The following KAT7 variants were observed in gnomAD, a reference collection of about 807,000 sequenced individuals.
KAT7 encodes histone acetyltransferase KAT7.
Under a neutral mutation model 82.1 loss-of-function variants are expected in KAT7, and 10 were observed. The ratio of observed to expected loss-of-function variants is 0.12; its 90% CI spans 0.08 to 0.21. KAT7 has a LOEUF of 0.21. KAT7 is among the 10% of genes least tolerant of loss of function. KAT7 has a pLI of 1.00. For synonymous variants in KAT7, 250 were observed against 262.5 expected (o/e 0.95, Z 0.46); for missense variants, 378 against 760.9 (o/e 0.50, Z 5.92).
chr17:49,820,760 T>TC (rs1567863259), intron 9 of KAT7, among the ~76,000 whole-genome samples: 1 of 150,732 alleles, frequency 6.6e-6, no homozygotes, highest in Admixed American at 6.6e-5. Flanking sequence ...TTTTTTTTTT[T>TC]TTTTTTTTTC....
intron 6 of KAT7, among the ~76,000 whole-genome samples, chr17:49,810,066 G>T (rs906033127): frequency 1.3e-5 from 2 of 152,148 alleles, no homozygotes; most frequent in Non-Finnish European, 2.9e-5. Context: ...TTTAACTCTA[G>T]CTATGTTGTC....
chr17:49,812,682 C>T (rs1338864954), intron 7 of KAT7, among the ~76,000 whole-genome samples: 1 of 152,002 alleles, frequency 6.6e-6, no homozygotes, highest in African/African-American at 2.4e-5. Context: ...TGTTCTTTCA[C>T]AGTCTTTTTC....
intron 13 of KAT7, 137 bp downstream of exon 13, chr17:49,826,283 A>G (rs2074368082): frequency 1.3e-6 from 1 of 794,334 alleles, no homozygotes; most frequent in Non-Finnish European, 2.0e-6. Context: ...AAAGCTGCCT[A>G]GGAATCCAAA....
intron 4 of KAT7, among the ~76,000 whole-genome samples, chr17:49,804,610 A>G (rs2074068602): frequency 2.0e-5 from 3 of 151,976 alleles, no homozygotes; most frequent in Admixed American, 2.0e-4. Flanking sequence ...CCGTTTCTAC[A>G]AAAAATTTTA....
rs1162790119 is a variant in KAT7 at position 49,796,778 on chromosome 17, T to A, written c.192T>A (p.Ser64=). 1.2e-6 allele frequency: 2 copies of A among 1,612,516 alleles called. No homozygotes were observed. The highest frequency in any genetic ancestry group is 1.7e-6 in the Non-Finnish European group (2 of 1,179,030). ...QDSSPVRNLQ[S]FGTEEPAYST... is the part of the protein sequence containing the mutation. ...CCAGTCCTGTTCGAAATCTGCAGTC[T>A]TTTGGCACTGAGGAGCCTGCTTACT... is the stretch of plus-strand genomic sequence containing the variant. The change falls in exon 3 of 15, where the codon TCT becomes TCA. Residue 64 remains serine (S), a synonymous_variant. Coordinates refer to ENST00000259021, the MANE Select transcript of KAT7 (RefSeq NM_007067.5).
intron 12 of KAT7, 59 bp from the exon 13 acceptor site, chr17:49,825,941 T>A: frequency 6.5e-7 from 1 of 1,538,558 alleles, no homozygotes; most frequent in Non-Finnish European, 8.8e-7. Context: ...CACACAGTTT[T>A]TTGCTATTAG....
intron 6 of KAT7, among the ~76,000 whole-genome samples, chr17:49,809,593 T>TG (rs2074136311): frequency 6.6e-6 from 1 of 152,210 alleles, no homozygotes; most frequent in South Asian, 2.1e-4. Flanking sequence ...ATTTGACACT[T>TG]GCTGACTGTG....
Position 49,827,484 on chromosome 17 carries a change from C to T in KAT7, c.1818C>T (p.Thr606=), listed in dbSNP as rs539374614. Reference sequence around the variant, plus strand: ...TGGATCCCAGCTGCTTAAAATGGACCCCTCCCAAGGGCACTTAAAGTGACC... The same window carrying T: ...TGGATCCCAGCTGCTTAAAATGGACTCCTCCCAAGGGCACTTAAAGTGACC... ...KTMDPSCLKW[T]PPKGT is the part of the protein sequence containing the mutation. The change falls in exon 15 of 15, where the codon ACC becomes ACT. Residue 606 remains threonine (T), a synonymous_variant. Transcript: ENST00000259021. 6.2e-7 allele frequency: 1 copy of T among 1,611,374 alleles called. No homozygotes were observed. Among genetic ancestry groups the T allele is most frequent in the Admixed American group, 1.7e-5 (1 of 60,002 alleles).
chr17:49,819,847 A>G (rs1249956474), intron 9 of KAT7, among the ~76,000 whole-genome samples: 1 of 152,254 alleles, frequency 6.6e-6, no homozygotes, highest in Non-Finnish European at 1.5e-5. Flanking sequence ...AACAAACTAC[A>G]GATGGAATTT....
chr17:49,793,488 A>G (rs1207198371), intron 2 of KAT7, among the ~76,000 whole-genome samples: 2 of 152,144 alleles, frequency 1.3e-5, no homozygotes, highest in Admixed American at 6.5e-5. Context: ...GCTAATACAG[A>G]AAGCCGATGA....
chr17:49,808,453 CT>C (rs528916586), intron 5 of KAT7, among the ~76,000 whole-genome samples: 1,770 of 130,432 alleles, frequency 0.014, 14 homozygotes, highest in African/African-American at 0.029. Flanking sequence ...TTCTTTCTTT[CT>C]TTTTTTTTTT....
intron 14 of KAT7, 117 bp downstream of exon 14, chr17:49,826,916 T>C: frequency 1.6e-6 from 1 of 617,064 alleles, no homozygotes; most frequent in Non-Finnish European, 2.9e-6. Flanking sequence ...TACACGCCCC[T>C]TTTACTGGGT....
chr17:49,817,756 C>T (rs916894666), intron 8 of KAT7, 64 bp from the exon 9 acceptor site: 3 of 1,350,856 alleles, frequency 2.2e-6, no homozygotes, highest in South Asian at 1.3e-5. Context: ...AGCCACTGTG[C>T]CCTGTCTAAA....
rs1003782161 is a variant in KAT7 at position 49,833,483 on chromosome 17, T to C, written c.*5981T>C. 3.3e-5 allele frequency: 5 copies of C among 152,250 alleles called. No individual in the cohort carries two copies. The highest frequency in any genetic ancestry group is 5.9e-5 in the Non-Finnish European group (4 of 68,042). 9.4% of individuals were successfully genotyped at this position (152,250 alleles called of 1,614,324 possible). On this transcript the variant is annotated 3_prime_UTR_variant, in exon 15 of 15. Coordinates refer to ENST00000259021, the MANE Select transcript of KAT7 (RefSeq NM_007067.5). The stretch of plus-strand genomic sequence containing the variant: ...CTATTTCCAATAAGGTCTATTTTTT[T>C]CTACAGTGAGGGCTGAACTTGTGAC...
chr17:49,833,851 T>C lies in KAT7; in HGVS notation c.*6349T>C, dbSNP rs1231682479. The C allele has an allele frequency of 6.6e-6, 1 of 152,152 alleles. No individual in the cohort carries two copies. The highest frequency in any genetic ancestry group is 1.5e-5 in the Non-Finnish European group (1 of 68,024). 9.4% of individuals were successfully genotyped at this position (152,152 alleles called of 1,614,324 possible). The stretch of plus-strand genomic sequence containing the variant: ...TTTGGAATGGTTTGATACATGGCAA[T>C]GGAGAAGTGAAACAAGGGGACTTCG... On this transcript the variant is annotated 3_prime_UTR_variant, in exon 15 of 15. Transcript: ENST00000259021.
At chr17:49,794,546 A>T (rs1478116551) in intron 2 of KAT7, among the ~76,000 whole-genome samples, 1 of 152,254 alleles carries the variant, frequency 6.6e-6, no homozygotes, top group East Asian at 1.9e-4. Context: ...TCGGCCTCCC[A>T]AAGTGCTGGG....
At position 49,821,488 on chromosome 17, in the gene KAT7, A is replaced by G. The variant is rs946935036; in HGVS notation, c.1245+62A>G. On this transcript the variant is annotated intron_variant, in intron 10 of 14. Coordinates refer to ENST00000259021, the MANE Select transcript of KAT7 (RefSeq NM_007067.5). ...TGTATATTCACAGGTTTCAGAAGGC[A>G]TATGTTTTTTCTCCATCACACCTTG... The G allele has an allele frequency of 4.6e-6, 7 of 1,529,812 alleles. No individual in the cohort carries two copies. In the Admixed American group the frequency reaches 5.1e-5, roughly 11 times the overall value. The allele number at this position is 1,529,812 out of a possible 1,614,324, so 94.8% of individuals were successfully genotyped here. A position where few individuals can be genotyped will look rare whatever the true frequency, so the allele number is the denominator to read the frequency against.
At chr17:49,796,644 G>T in intron 2 of KAT7, 106 bp from the exon 3 acceptor site, 1 of 811,994 alleles carries the variant, frequency 1.2e-6, no homozygotes, top group South Asian at 2.3e-5. Flanking sequence ...GTTGGATTTT[G>T]TGAAATATGA....
In KAT7 at chr17:49,815,847, A is replaced by C. The variant is rs1383852097; in HGVS notation, c.897A>C (p.Glu299Asp). 3.1e-5 allele frequency: 50 copies of C among 1,613,564 alleles called. No individual in the cohort carries two copies. Among genetic ancestry groups the C allele is most frequent in the Non-Finnish European group, 4.2e-5 (50 of 1,179,864 alleles). ...GGAACACACGGGAACCTCTTTTAGA[A>C]AACCTGACAAGCGAGTATGACTTGG... ...TYGNTREPLL[E>D]NLTSEYDLDL... Residue 299 changes from glutamate (E) to aspartate (D), a missense_variant, in exon 8 of 15, where the codon GAA becomes GAC. By Grantham distance (45) the Glu-to-Asp change is conservative (BLOSUM62 2). This residue lies in a region of KAT7 where 102 missense variants were observed against 129.8 expected (regional missense o/e 0.79). Coordinates refer to ENST00000259021, the MANE Select transcript of KAT7 (RefSeq NM_007067.5).
Sources: gnomAD v4.1 joint callset for allele counts (sites outside exome capture counted in the v4.1 genomes callset) on GRCh38, gnomAD v4.1.1 for gene constraint, gnomAD v4.1.1 regional missense constraint, MANE v1.5 for transcripts, NCBI Gene and HGNC (gene_info 2026-07-23, HGNC 2026-07-21) for gene names.